DUSP4: variants seen among roughly 807,000 people sequenced by gnomAD.
DUSP4 encodes dual specificity phosphatase 4.
DUSP4 carries 12 observed loss-of-function variants against 27.2 expected under a neutral mutation model. The ratio of observed to expected loss-of-function variants is 0.44; its 90% CI spans 0.28 to 0.71. The LOEUF (loss-of-function observed/expected upper bound fraction) is 0.71. DUSP4 is among the 30% of genes least tolerant of loss of function. The probability of loss-of-function intolerance (pLI) is 0.14; values close to 1 mark genes in which losing one functional copy is unlikely to be tolerated. For synonymous variants in DUSP4, 257 were observed against 245.2 expected (o/e 1.05, Z -0.45); for missense variants, 448 against 551.3 (o/e 0.81, Z 1.88).
chr8:29,340,063 GC>G (rs1324658336), intron 2 of DUSP4, 34 bp downstream of exon 2: 8 of 1,547,990 alleles, frequency 5.2e-6, no homozygotes, highest in Non-Finnish European at 7.0e-6. Context: ...CGCTGTTCCT[GC>G]CCCCCACTTC....
rs754443801 is a variant in DUSP4 at position 29,338,426 on chromosome 8, C to T, written c.655G>A (p.Ala219Thr). 93 of 1,614,152 alleles carry T rather than the reference C, an allele frequency of 5.8e-5. No individual in the cohort carries two copies. The highest frequency in any genetic ancestry group is 1.8e-4 in the East Asian group (8 of 44,878). The change falls in exon 3 of 4, where the codon GCC becomes ACC. Residue 219 changes from alanine (A) to threonine (T), a missense_variant. By Grantham distance (58) the Ala-to-Thr change is moderately conservative. This residue lies in a region of DUSP4 where 345 missense variants were observed against 394.0 expected (regional missense o/e 0.88). Coordinates refer to ENST00000240100, the MANE Select transcript of DUSP4 (RefSeq NM_001394.7). ...YHAARRDMLDALGITALLNVS... is the reference protein window; with the variant it reads ...YHAARRDMLDTLGITALLNVS... ...TTCAACAGAGCCGTGATGCCCAGGG[C>T]GTCCAGCATGTCTCTCCGGGCAGCA...
Position 29,337,212 on chromosome 8 carries a change from C to G in DUSP4, c.999G>C (p.Gln333His). 1 of 1,613,730 alleles carries G rather than the reference C, an allele frequency of 6.2e-7. No individual in the cohort carries two copies. The highest frequency in any genetic ancestry group is 8.5e-7 in the Non-Finnish European group (1 of 1,179,950). Residue 333 changes from glutamine to histidine, a missense_variant, in exon 4 of 4, where the codon CAG (glutamine) becomes CAC (histidine). Coordinates refer to ENST00000240100, the MANE Select transcript of DUSP4 (RefSeq NM_001394.7). The surrounding 1 kb of genome is among the most constrained non-coding windows in gnomAD (Gnocchi z 6.4). ...CCGCAGCACAGGACGTGGCCAGCAC[C>G]TGGGACTCGAACTGCAGCAGCTGCC... ...FMGQLLQFES[Q>H]VLATSCAAEA...
intron 1 of DUSP4, among the ~76,000 whole-genome samples, chr8:29,347,501 C>T (rs963543239): frequency 6.6e-6 from 1 of 152,246 alleles, no homozygotes; most frequent in Non-Finnish European, 1.5e-5. Flanking sequence ...GATTCCCCCA[C>T]CTCTCAATTT....
At position 29,340,187 on chromosome 8, in the gene DUSP4, G is replaced by C; in HGVS notation, c.490C>G (p.Leu164Val). 1 of 1,613,620 alleles carries C rather than the reference G, an allele frequency of 6.2e-7. No individual in the cohort carries two copies. ...GGAACCGGGGGTGGGATGGCTGCCA[G>C]GGCCTTGGTTTTAGAACAGAATTCT... ...YPEFCSKTKA[L>V]AAIPPPVPPS... Residue 164 changes from leucine (L) to valine (V), a missense_variant, in exon 2 of 4, where the codon CTG becomes GTG. Coordinates refer to ENST00000240100, the MANE Select transcript of DUSP4 (RefSeq NM_001394.7).
Position 29,337,522 on chromosome 8 carries a change from C to G in DUSP4, c.800-111G>C, listed in dbSNP as rs771654410. The G allele has an allele frequency of 4.2e-6, 6 of 1,436,582 alleles. No homozygotes were observed. Among genetic ancestry groups the G allele is most frequent in the Non-Finnish European group, 5.5e-6 (6 of 1,082,516 alleles). 89.0% of individuals were successfully genotyped at this position (1,436,582 alleles called of 1,614,324 possible). On this transcript the variant is annotated intron_variant, in intron 3 of 3. Transcript: ENST00000240100. This position sits in a 1 kb window ranked among gnomAD's most constrained non-coding sequence, Gnocchi z 6.4. ...GGCTCTGAAGGAAGGACTAGCCGTG[C>G]TAGACCAAGGACTGGAGAGGAAGAA...
At chr8:29,339,669 C>G (rs930586530) in intron 2 of DUSP4, among the ~76,000 whole-genome samples, 1 of 152,156 alleles carries the variant, frequency 6.6e-6, no homozygotes, top group Non-Finnish European at 1.5e-5. Flanking sequence ...TCCGGGTTCA[C>G]CGCATTCTCC....
Position 29,337,562 on chromosome 8 carries a change from G to T in DUSP4, c.800-151C>A. On this transcript the variant is annotated intron_variant, in intron 3 of 3. Coordinates refer to ENST00000240100, the MANE Select transcript of DUSP4 (RefSeq NM_001394.7). The surrounding 1 kb of genome is among the most constrained non-coding windows in gnomAD (Gnocchi z 6.4). ...GAGAGGAAGAAAACCCATGTAGGCA[G>T]GTCTCTAGAATGCCCCCAATTCTGA... is the stretch of plus-strand genomic sequence containing the variant. 1 of 1,104,954 alleles carries T rather than the reference G, an allele frequency of 9.1e-7. No individual in the cohort carries two copies. The highest frequency in any genetic ancestry group is 1.3e-6 in the Non-Finnish European group (1 of 796,322). The allele number at this position is 1,104,954 out of a possible 1,614,324, so 68.4% of individuals were successfully genotyped here.
chr8:29,348,526 C>A, intron 1 of DUSP4: 1 of 985,552 alleles, frequency 1.0e-6, no homozygotes, highest in South Asian at 4.7e-5. Context: ...CAAAGGTCAA[C>A]AGCAGCGTTT....
rs761854287 is a variant in DUSP4, at chr8:29,337,097, C to T, written c.1114G>A (p.Val372Met). The T allele has an allele frequency of 5.6e-6, 9 of 1,609,378 alleles. No individual in the cohort carries two copies. The African/African-American group carries it at 6.7e-5, about 12-fold the overall frequency. The change falls in exon 4 of 4, where the codon GTG becomes ATG. Residue 372 changes from valine to methionine, a missense_variant. By Grantham distance (21) the Val-to-Met change is conservative. Transcript: ENST00000240100. The surrounding 1 kb of genome is among the most constrained non-coding windows in gnomAD (Gnocchi z 6.4). ...SQFVFSFPVS[V>M]GVHSAPSSLP... is the part of the protein sequence containing the mutation. ...CTGCTGGGGGCCGAGTGCACGCCCA[C>T]GGAGACCGGAAAGCTGAAGACGAAC...
Position 29,336,424 on chromosome 8 carries a change from G to C in DUSP4, c.*602C>G, listed in dbSNP as rs1258822259. The C allele has an allele frequency of 2.0e-5, 3 of 152,220 alleles. No homozygotes were observed. The highest frequency in any genetic ancestry group is 2.0e-4 in the Admixed American group (3 of 15,276). 9.4% of individuals were successfully genotyped at this position (152,220 alleles called of 1,614,324 possible). On this transcript the variant is annotated 3_prime_UTR_variant, in exon 4 of 4. Coordinates refer to ENST00000240100, the MANE Select transcript of DUSP4 (RefSeq NM_001394.7). Reference sequence around the variant, plus strand: ...AACATAAATATATTCTAAATCCACTGTAACTAGACTTTTTGTACTTTCATA... The same window carrying C: ...AACATAAATATATTCTAAATCCACTCTAACTAGACTTTTTGTACTTTCATA...
intron 1 of DUSP4, among the ~76,000 whole-genome samples, 163 bp downstream of exon 1, chr8:29,349,683 G>T (rs1294444347): frequency 6.6e-6 from 1 of 152,342 alleles, no homozygotes; most frequent in African/African-American, 2.4e-5. Context: ...CACTTGCACA[G>T]AAACCTTGCA....
rs1428629930 is a variant in DUSP4 at position 29,334,847 on chromosome 8, A to C, written c.*2179T>G. Reference sequence around the variant, plus strand: ...ACTGTTATTTCTAGAGGAAGCAGGGAGCCTCTGGCTCTTCTAAAAATTGCC... The same window carrying C: ...ACTGTTATTTCTAGAGGAAGCAGGGCGCCTCTGGCTCTTCTAAAAATTGCC... On this transcript the variant is annotated 3_prime_UTR_variant, in exon 4 of 4. Coordinates refer to ENST00000240100, the MANE Select transcript of DUSP4 (RefSeq NM_001394.7). 6.6e-6 allele frequency: 1 copy of C among 152,224 alleles called. No individual in the cohort carries two copies. Among genetic ancestry groups the C allele is most frequent in the Non-Finnish European group, 1.5e-5 (1 of 68,038 alleles). The allele number at this position is 152,224 out of a possible 1,614,324, so 9.4% of individuals were successfully genotyped here.
intron 1 of DUSP4, among the ~76,000 whole-genome samples, chr8:29,349,402 C>A (rs1248249721): frequency 1.3e-5 from 2 of 152,178 alleles, no homozygotes; most frequent in Non-Finnish European, 2.9e-5. Context: ...TCGGCGCCCA[C>A]CCCTCTTCAC....
In DUSP4 at chr8:29,337,521, G is replaced by T; in HGVS notation, c.800-110C>A. The stretch of plus-strand genomic sequence containing the variant: ...GGGCTCTGAAGGAAGGACTAGCCGT[G>T]CTAGACCAAGGACTGGAGAGGAAGA... On this transcript the variant is annotated intron_variant, in intron 3 of 3. Transcript: ENST00000240100. This position sits in a 1 kb window ranked among gnomAD's most constrained non-coding sequence, Gnocchi z 6.4. 1 of 1,436,186 alleles carries T rather than the reference G, an allele frequency of 7.0e-7. No homozygotes were observed. The highest frequency in any genetic ancestry group is 9.2e-7 in the Non-Finnish European group (1 of 1,082,060). The allele number at this position is 1,436,186 out of a possible 1,614,324, so 89.0% of individuals were successfully genotyped here.
rs766869874 is a variant in DUSP4, at chr8:29,338,344, G to C, written c.737C>G (p.Pro246Arg). 10 of 1,614,072 alleles carry C rather than the reference G, an allele frequency of 6.2e-6. No homozygotes were observed. The Admixed American group carries it at 1.7e-4, about 27-fold the overall frequency. The change falls in exon 3 of 4, where the codon CCA becomes CGA. Residue 246 changes from proline (P) to arginine (R), a missense_variant. Coordinates refer to ENST00000240100, the MANE Select transcript of DUSP4 (RefSeq NM_001394.7). ...FEGHYQYKCI[P>R]VEDNHKADIS... ...GTCGGCCTTGTGGTTATCTTCCACTGGGATGCACTTGTACTGATAGTGTCC... is the reference window on the plus strand; with the variant it reads ...GTCGGCCTTGTGGTTATCTTCCACTCGGATGCACTTGTACTGATAGTGTCC...
intron 1 of DUSP4, among the ~76,000 whole-genome samples, chr8:29,341,933 C>A (rs760683664): frequency 6.6e-6 from 1 of 152,246 alleles, no homozygotes; most frequent in Non-Finnish European, 1.5e-5. Flanking sequence ...ATATACTTCT[C>A]TAGGATTTGA....
At position 29,342,934 on chromosome 8, in the gene DUSP4, G is replaced by A. The variant is rs980690787; in HGVS notation, c.434-2691C>T. 2.0e-5 allele frequency among the ~76,000 whole-genome samples: 3 copies of A among 152,272 alleles called. No homozygotes were observed. In the South Asian group the frequency reaches 6.2e-4, roughly 32 times the overall value. On this transcript the variant is annotated intron_variant, in intron 1 of 3. Transcript: ENST00000240100. ...TGTAATCCCAGCACTTTGGGAGGCC[G>A]AGGCGGGTGGATCACGAGGTCAGGA...
In DUSP4 at chr8:29,337,393, C is replaced by A. The variant is rs1004262894; in HGVS notation, c.818G>T (p.Arg273Leu). 6.2e-7 allele frequency: 1 copy of A among 1,606,516 alleles called. No homozygotes were observed. Among genetic ancestry groups the A allele is most frequent in the African/African-American group, 1.3e-5 (1 of 74,918 alleles). Residue 273 changes from arginine (R) to leucine (L), a missense_variant, in exon 4 of 4, where the codon CGT becomes CTT. Physicochemically the swap from Arg to Leu is moderately radical, Grantham distance 102. This residue lies in a region of DUSP4 where 345 missense variants were observed against 394.0 expected (regional missense o/e 0.88). Coordinates refer to ENST00000240100, the MANE Select transcript of DUSP4 (RefSeq NM_001394.7). This position sits in a 1 kb window ranked among gnomAD's most constrained non-coding sequence, Gnocchi z 6.4. ...CTGGCAGTGCACCAGCACGCGCCCA[C>A]GGCAGTCCTTCACGGCATCTGGGGA... Reference protein sequence around the residue: ...IEYIDAVKDCRGRVLVHCQAG... With the variant: ...IEYIDAVKDCLGRVLVHCQAG...
At chr8:29,345,754 T>C (rs2117274815) in intron 1 of DUSP4, 1 of 1,315,724 alleles carries the variant, frequency 7.6e-7, no homozygotes, top group Admixed American at 3.9e-5. Flanking sequence ...AAGGGTCAAA[T>C]TTCACTCTCA....
Sources: gnomAD v4.1 joint callset for allele counts (sites outside exome capture counted in the v4.1 genomes callset) on GRCh38, gnomAD v4.1.1 for gene constraint, gnomAD v4.1.1 regional missense constraint, Gnocchi (gnomAD v3.1) non-coding constraint, MANE v1.5 for transcripts, NCBI Gene and HGNC (gene_info 2026-07-23, HGNC 2026-07-21) for gene names.